Variants in ATAD2 observed in about 807,000 individuals in gnomAD.
ATAD2 encodes the protein ATPase family AAA domain containing 2.
ATAD2 carries 62 observed loss-of-function variants against 168.9 expected under a neutral mutation model. That is an observed-to-expected ratio of 0.37 (90% confidence interval 0.30 to 0.45). ATAD2 has a LOEUF of 0.45. Ranked by LOEUF, ATAD2 falls within the 20% of genes least tolerant of loss-of-function variation. The pLI, the probability that ATAD2 is intolerant of heterozygous loss-of-function variation, is 1.00. For synonymous variants in ATAD2, 613 were observed against 571.6 expected, an observed-to-expected ratio of 1.07 and a Z score of -1.03; for missense variants, 1,419 against 1,667.8, an observed-to-expected ratio of 0.85 and a Z score of 2.60.
At chr8:123,336,790 T>C (rs1258580161) in intron 21 of ATAD2, among the ~76,000 whole-genome samples, 1 of 152,138 alleles carries the variant, frequency 6.6e-6, no homozygotes, top group African/African-American at 2.4e-5. Context: ...CTATATTCTT[T>C]CCTCATCCAA....
intron 1 of ATAD2, chr8:123,401,543 C>T (rs915339669): frequency 4.3e-5 from 67 of 1,549,828 alleles, no homozygotes; most frequent in Non-Finnish European, 5.8e-5. Flanking sequence ...TGTGTGTGGG[C>T]ATAGGCTGCG....
chr8:123,330,777 T>TA, intron 24 of ATAD2, among the ~76,000 whole-genome samples: 1 of 152,346 alleles, frequency 6.6e-6, no homozygotes. Flanking sequence ...TGAATTGTAT[T>TA]AGAGTCTACA....
At chr8:123,349,550 A>C in intron 13 of ATAD2, 106 bp from the exon 14 acceptor site, 1 of 1,079,824 alleles carries the variant, frequency 9.3e-7, no homozygotes, top group African/African-American at 1.6e-5. Flanking sequence ...ATGTGAATAA[A>C]TTTTCTCAGG....
chr8:123,325,616 TCA>T (rs1313022884), intron 26 of ATAD2, among the ~76,000 whole-genome samples: 3 of 151,816 alleles, frequency 2.0e-5, no homozygotes, highest in East Asian at 3.9e-4. Flanking sequence ...AGACAGGGTT[TCA>T]CACTGTTGGC....
chr8:123,397,240 C>CAAA (rs71310670), upstream of ATAD2, among the ~76,000 whole-genome samples: 34 of 39,926 alleles, frequency 8.5e-4, no homozygotes, highest in African/African-American at 1.1e-3. Context: ...GACTCTGTCT[C>CAAA]AAAAAAAAAA....
chr8:123,395,260 C>T (rs1044041965), intron 1 of ATAD2, among the ~76,000 whole-genome samples: 1 of 152,210 alleles, frequency 6.6e-6, no homozygotes, highest in Non-Finnish European at 1.5e-5. Flanking sequence ...ACTTCTTCAA[C>T]CTTCTGTGAA....
At chr8:123,322,591 C>A (rs1304936991) in intron 27 of ATAD2, among the ~76,000 whole-genome samples, 2 of 152,116 alleles carry the variant, frequency 1.3e-5, no homozygotes, top group African/African-American at 4.8e-5. Context: ...ATCGCTTGAA[C>A]CTTGGAGGTG....
intron 1 of ATAD2, 100 bp downstream of exon 1, chr8:123,396,087 C>G: frequency 7.5e-7 from 1 of 1,325,896 alleles, no homozygotes; most frequent in Non-Finnish European, 9.9e-7. Flanking sequence ...ACAACTGTCA[C>G]CCTGACCGGC....
chr8:123,398,546 C>T (rs918356662), upstream of ATAD2, among the ~76,000 whole-genome samples: 1 of 152,124 alleles, frequency 6.6e-6, no homozygotes, highest in Non-Finnish European at 1.5e-5. Flanking sequence ...GATTATTGTT[C>T]TGTCACCCAG....
chr8:123,332,865 T>TA (rs1273590601), intron 24 of ATAD2, among the ~76,000 whole-genome samples: 1 of 152,014 alleles, frequency 6.6e-6, no homozygotes, highest in Non-Finnish European at 1.5e-5. Flanking sequence ...TATTCTTGCT[T>TA]AAAGCTGATT....
intron 18 of ATAD2, 88 bp downstream of exon 18, chr8:123,345,997 CA>C (rs1216831724): frequency 1.8e-6 from 2 of 1,097,570 alleles, no homozygotes; most frequent in Non-Finnish European, 2.5e-6. Flanking sequence ...ATCAGAAAGA[CA>C]AAAAAACACA....
intron 11 of ATAD2, among the ~76,000 whole-genome samples, chr8:123,358,722 A>C (rs1586880791): frequency 1.7e-5 from 2 of 118,110 alleles, no homozygotes; most frequent in African/African-American, 6.6e-5. Context: ...ATGGTACATT[A>C]CTTTTTTTTT....
intron 1 of ATAD2, among the ~76,000 whole-genome samples, chr8:123,412,286 A>C (rs1235872370): frequency 6.6e-6 from 1 of 152,130 alleles, no homozygotes; most frequent in Non-Finnish European, 1.5e-5. Context: ...ATATTTTTGG[A>C]TTTCTTTGTT....
upstream of ATAD2, among the ~76,000 whole-genome samples, chr8:123,397,758 T>A (rs1354813237): frequency 3.3e-5 from 5 of 151,990 alleles, no homozygotes; most frequent in Non-Finnish European, 7.4e-5. Context: ...ATAAACTAAA[T>A]GTAAAAGTTT....
chr8:123,370,138 A>C (rs1191862431), intron 6 of ATAD2, 114 bp from the exon 7 acceptor site: 3 of 763,680 alleles, frequency 3.9e-6, no homozygotes, highest in East Asian at 5.5e-5. Context: ...TCTACTCCTA[A>C]AAAAAAAAAA....
At chr8:123,388,303 C>G (rs1829705283) in intron 1 of ATAD2, among the ~76,000 whole-genome samples, 1 of 152,200 alleles carries the variant, frequency 6.6e-6, no homozygotes, top group Admixed American at 6.5e-5. Flanking sequence ...TCAAGAGATC[C>G]TCCTGCCTCA....
intron 8 of ATAD2, among the ~76,000 whole-genome samples, chr8:123,362,414 C>CTT (rs561886419): frequency 0.023 from 3,304 of 143,706 alleles, 129 homozygotes; most frequent in African/African-American, 0.08. Context: ...AATCAAATAA[C>CTT]TTTTTTTTTT....
chr8:123,333,185 G>A (rs948402170), intron 24 of ATAD2, among the ~76,000 whole-genome samples: 11 of 127,256 alleles, frequency 8.6e-5, no homozygotes, highest in African/African-American at 3.0e-4. Context: ...TCAGGAGATC[G>A]AGACCATCCT....
At chr8:123,412,766 T>A (rs567679255) in intron 1 of ATAD2, among the ~76,000 whole-genome samples, 34 of 152,276 alleles carry the variant, frequency 2.2e-4, no homozygotes, top group Non-Finnish European at 4.6e-4. Flanking sequence ...TACTGAGTAC[T>A]GCAGAACTCT....
Sources: gnomAD v4.1 joint callset for allele counts (sites outside exome capture counted in the v4.1 genomes callset) on GRCh38, gnomAD v4.1.1 for gene constraint, MANE v1.5 for transcripts, NCBI Gene and HGNC (gene_info 2026-07-23, HGNC 2026-07-21) for gene names.